GNL3L: variants seen among roughly 807,000 people sequenced by gnomAD.
The protein encoded by GNL3L is guanine nucleotide-binding protein-like 3-like protein.
Under a neutral mutation model 42.9 loss-of-function variants are expected in GNL3L, and 4 were observed. That is an observed-to-expected ratio of 0.09 (90% CI 0.05 to 0.21). The LOEUF is 0.21. Among genes scored for constraint, GNL3L ranks in the 10% least tolerant of loss-of-function variants. The probability of loss-of-function intolerance (pLI) is 1.00; values close to 1 mark genes in which losing one functional copy is unlikely to be tolerated. For missense variants in GNL3L, 412 were observed against 481.7 expected (o/e 0.86, Z 1.36); for synonymous variants, 159 against 176.3 (o/e 0.90, Z 0.78).
chrX:54,556,099 A>G (rs1192171533), intron 14 of GNL3L, among the ~76,000 whole-genome samples: 2 of 110,819 alleles, frequency 1.8e-5, no homozygotes, highest in Non-Finnish European at 3.8e-5. Context: ...AACCTGTACT[A>G]CCTGTGGGTC....
chrX:54,556,130 A>T (rs960141079), intron 14 of GNL3L, among the ~76,000 whole-genome samples: 15 of 111,115 alleles, frequency 1.3e-4, no homozygotes, highest in African/African-American at 4.6e-4. Flanking sequence ...TGCTTGAGTC[A>T]TGTATTAGTC....
Position 54,558,163 on chromosome X carries a change from T to C in GNL3L, c.1447-273T>C, listed in dbSNP as rs752625660. Among the ~76,000 whole-genome samples the C allele has an allele frequency of 3.6e-5, 4 of 111,565 alleles. No homozygotes were observed. In the East Asian group the frequency reaches 1.1e-3, roughly 32 times the overall value. On this transcript the variant is annotated intron_variant, in intron 14 of 15. Coordinates refer to ENST00000360845, the MANE Select transcript of GNL3L (RefSeq NM_001184819.2). ...TCCCAAAGTGCTGGGATTATAGGCA[T>C]GAGCCACCGTGCCTGGCCTACCTTT...
At chrX:54,573,327 C>T (rs1292601787) in intron 16 of GNL3L, among the ~76,000 whole-genome samples, 1 of 113,021 alleles carries the variant, frequency 8.8e-6, no homozygotes, top group Admixed American at 9.3e-5. Context: ...GCGGATCACT[C>T]GCGGTTAGGA....
chrX:54,602,391 G>A (rs1036352075), intron 16 of GNL3L, among the ~76,000 whole-genome samples: 1 of 111,033 alleles, frequency 9.0e-6, no homozygotes, highest in African/African-American at 3.3e-5. Context: ...GTGGTCAAGT[G>A]TCTGCTTGGG....
intron 16 of GNL3L, among the ~76,000 whole-genome samples, chrX:54,594,560 A>AAAAC (rs1216575245): frequency 4.7e-4 from 51 of 108,573 alleles, no homozygotes; most frequent in African/African-American, 1.6e-3. Context: ...TTTTTAAAAA[A>AAAAC]AAATCTATTC....
chrX:54,590,091 C>T (rs1477516283), intron 16 of GNL3L, among the ~76,000 whole-genome samples: 1 of 111,201 alleles, frequency 9.0e-6, no homozygotes, highest in East Asian at 2.8e-4. Context: ...AGGCACGTGC[C>T]ACCATGCCCA....
rs1373968712 is a variant in GNL3L at position 54,563,275 on chromosome X, C to T, written c.*2673C>T. On this transcript the variant is annotated 3_prime_UTR_variant, in exon 16 of 16. Transcript: ENST00000360845. ...GGATTTTTGGTGGAAAAGCAGTATA[C>T]ATTCAGAATGCACCTCTACTTATGA... Among the ~76,000 whole-genome samples, 1 of 111,636 alleles carries T rather than the reference C, an allele frequency of 9.0e-6. No homozygotes were observed. Among genetic ancestry groups the T allele is most frequent in the Non-Finnish European group, 1.9e-5 (1 of 53,220 alleles).
downstream of GNL3L, among the ~76,000 whole-genome samples, chrX:54,625,705 G>A (rs1038162006): frequency 9.0e-6 from 1 of 110,687 alleles, no homozygotes; most frequent in Admixed American, 9.7e-5. Flanking sequence ...AATATCTAAT[G>A]GTAGAGAACT....
chrX:54,589,753 C>G (rs1457039809), intron 16 of GNL3L, among the ~76,000 whole-genome samples: 3 of 111,050 alleles, frequency 2.7e-5, no homozygotes, highest in Non-Finnish European at 5.7e-5. Flanking sequence ...TGTACATACC[C>G]AGCAGTAGGA....
chrX:54,532,558 C>G lies in GNL3L; in HGVS notation c.-9C>G, dbSNP rs773261160. The G allele has an allele frequency of 8.4e-7, 1 of 1,189,810 alleles. No homozygotes were observed. Among genetic ancestry groups the G allele is most frequent in the East Asian group, 3.0e-5 (1 of 33,756 alleles). ...AGATTTGAACCTATCTGCTTTCAAGCTGGTCATCATGATGAAACTTAGACA... is the reference window on the plus strand; with the variant it reads ...AGATTTGAACCTATCTGCTTTCAAGGTGGTCATCATGATGAAACTTAGACA... On this transcript the variant is annotated 5_prime_UTR_variant, in exon 2 of 16. Coordinates refer to ENST00000360845, the MANE Select transcript of GNL3L (RefSeq NM_001184819.2).
At chrX:54,581,411 A>G (rs1039135428) in intron 16 of GNL3L, among the ~76,000 whole-genome samples, 1 of 110,608 alleles carries the variant, frequency 9.0e-6, no homozygotes, top group Non-Finnish European at 1.9e-5. Flanking sequence ...TTTTTAAATT[A>G]TTTTTTGTAG....
intron 9 of GNL3L, 75 bp downstream of exon 9, chrX:54,548,448 G>C: frequency 1.2e-6 from 1 of 859,061 alleles, no homozygotes; most frequent in Non-Finnish European, 1.7e-6. Context: ...AAGGATCCTG[G>C]GAGCTTCATT....
chrX:54,645,495 G>A, the GNL3L span, among the ~76,000 whole-genome samples: 1 of 112,128 alleles, frequency 8.9e-6, no homozygotes, highest in Non-Finnish European at 1.9e-5. Flanking sequence ...AATGAATTAT[G>A]TGTATTTCCT....
Position 54,558,630 on chromosome X carries a change from TAAG to T in GNL3L, c.1649_1651del (p.Lys550del), listed in dbSNP as rs750628863. 3 of 1,202,730 alleles carry T rather than the reference TAAG, an allele frequency of 2.5e-6. No individual in the cohort carries two copies. The highest frequency in any genetic ancestry group is 3.0e-5 in the East Asian group (1 of 33,613). ...AGGCTCTGGCATCTGCCCTGAAAAA[TAAG>T]AAGAAGATGCAGAAACGTGCAGGTG... is the stretch of plus-strand genomic sequence containing the variant. On this transcript the variant is annotated inframe_deletion, in exon 15 of 16. Transcript: ENST00000360845.
Position 54,541,352 on chromosome X carries a change from A to G in GNL3L, c.269A>G (p.Gln90Arg), listed in dbSNP as rs1186595519. 1.7e-6 allele frequency: 2 copies of G among 1,204,752 alleles called. No homozygotes were observed. The highest frequency in any genetic ancestry group is 2.2e-6 in the Non-Finnish European group (2 of 888,961). Residue 90 changes from glutamine to arginine, a missense_variant, in exon 5 of 16, where the codon CAG becomes CGG. Transcript: ENST00000360845. ...QKRRTIESYC[Q>R]DVLRRQEEFE... ...CGCAGGACCATTGAGAGCTACTGTC[A>G]GGATGTCCTAAGACGCCAGGAGGAG...
At chrX:54,587,034 CGATTGCTATCA>C (rs1276754855) in intron 16 of GNL3L, among the ~76,000 whole-genome samples, 1 of 111,749 alleles carries the variant, frequency 8.9e-6, no homozygotes, top group African/African-American at 3.3e-5. Flanking sequence ...CCCACCACTT[CGATTGCTATCA>C]CCCATGCCAT....
At chrX:54,571,445 C>T (rs1014580364), downstream of GNL3L, among the ~76,000 whole-genome samples, 9 of 107,947 alleles carry the variant, frequency 8.3e-5, no homozygotes, top group Admixed American at 1.0e-4. Flanking sequence ...TCCATCCACC[C>T]GCCTCAGCCT....
the GNL3L span, among the ~76,000 whole-genome samples, chrX:54,628,151 C>T: frequency 9.1e-6 from 1 of 110,406 alleles, no homozygotes; most frequent in East Asian, 2.8e-4. Flanking sequence ...GTCTCCAACT[C>T]CGTCCAGGTT....
intron 14 of GNL3L, among the ~76,000 whole-genome samples, chrX:54,556,628 CCTT>C (rs1443608124): frequency 9.0e-6 from 1 of 110,763 alleles, no homozygotes; most frequent in Non-Finnish European, 1.9e-5. Flanking sequence ...GATCCGCCCT[CCTT>C]GGCCTCCCAA....
Sources: gnomAD v4.1 joint callset for allele counts (sites outside exome capture counted in the v4.1 genomes callset) on GRCh38, gnomAD v4.1.1 for gene constraint, MANE v1.5 for transcripts, NCBI Gene and HGNC (gene_info 2026-07-23, HGNC 2026-07-21) for gene names.